Variants in NUP93 observed in about 807,000 individuals in gnomAD.
NUP93 encodes nuclear pore complex protein Nup93.
Under a neutral mutation model 107.8 loss-of-function variants are expected in NUP93, and 55 were observed. The ratio of observed to expected loss-of-function variants is 0.51; its 90% CI spans 0.41 to 0.64. The LOEUF (loss-of-function observed/expected upper bound fraction) is 0.64. Ranked by LOEUF, NUP93 falls within the 30% of genes least tolerant of loss-of-function variation. NUP93 has a pLI of 0.00. For synonymous variants in NUP93, 390 were observed against 397.5 expected (o/e 0.98, Z 0.22); for missense variants, 937 against 1,044.7 (o/e 0.90, Z 1.42).
In NUP93 at chr16:56,844,572, A is replaced by G. The variant is rs778511107; in HGVS notation, c.2423A>G (p.Asn808Ser). ...MIPYRTSGDT[N>S]ARLVQMEVLM... The stretch of plus-strand genomic sequence containing the variant: ...CCATACCGAACGTCTGGGGACACCA[A>G]TGCGAGGCTGGTGCAGATGGAGGTC... Residue 808 changes from asparagine (N) to serine (S), a missense_variant, in exon 22 of 22, where the codon AAT (asparagine) becomes AGT (serine). Coordinates refer to ENST00000308159, the MANE Select transcript of NUP93 (RefSeq NM_014669.5). 27 of 1,591,042 alleles carry G rather than the reference A, an allele frequency of 1.7e-5. No individual in the cohort carries two copies. Among genetic ancestry groups the G allele is most frequent in the South Asian group, 3.4e-5 (3 of 87,824 alleles).
intron 3 of NUP93, among the ~76,000 whole-genome samples, chr16:56,797,242 C>G (rs1962920944): frequency 6.6e-6 from 1 of 152,212 alleles, no homozygotes; most frequent in African/African-American, 2.4e-5. Flanking sequence ...TGCACTCCAG[C>G]CTGGGTGACA....
intron 3 of NUP93, among the ~76,000 whole-genome samples, chr16:56,775,357 A>G (rs1360940913): frequency 6.6e-6 from 1 of 152,208 alleles, no homozygotes; most frequent in East Asian, 1.9e-4. Context: ...AATAATACTC[A>G]GCAATTTATA....
intron 1 of NUP93, 87 bp downstream of exon 1, chr16:56,730,298 G>T (rs1327853149): frequency 6.6e-6 from 1 of 152,326 alleles, no homozygotes; most frequent in Non-Finnish European, 1.5e-5. Flanking sequence ...CCGTCCCCAC[G>T]CTCGGAACCC....
intron 5 of NUP93, among the ~76,000 whole-genome samples, chr16:56,814,314 T>C (rs919774438): frequency 6.6e-6 from 1 of 152,132 alleles, no homozygotes; most frequent in South Asian, 2.1e-4. Flanking sequence ...CCAAGTATTA[T>C]AGCTGGGACT....
chr16:56,732,627 C>G (rs1430366975), intron 1 of NUP93, among the ~76,000 whole-genome samples: 1 of 152,134 alleles, frequency 6.6e-6, no homozygotes, highest in African/African-American at 2.4e-5. Context: ...CTGAACCAGC[C>G]TCTTCATAGA....
chr16:56,803,721 A>G (rs1460499235), intron 4 of NUP93, among the ~76,000 whole-genome samples: 2 of 149,156 alleles, frequency 1.3e-5, no homozygotes, highest in Non-Finnish European at 3.0e-5. Flanking sequence ...ACCGATTAGG[A>G]TGGTTACAAG....
chr16:56,826,767 G>T lies in NUP93; in HGVS notation c.795-2210G>T, dbSNP rs564684835. ...AACTGCATAAAATTTCATTGAGTCGGCTGGGTGCAGCGTCTCACGTCTGTA... is the reference window on the plus strand; with the variant it reads ...AACTGCATAAAATTTCATTGAGTCGTCTGGGTGCAGCGTCTCACGTCTGTA... On this transcript the variant is annotated intron_variant, in intron 8 of 21. Coordinates refer to ENST00000308159, the MANE Select transcript of NUP93 (RefSeq NM_014669.5). Among the ~76,000 whole-genome samples the T allele has an allele frequency of 4.6e-5, 7 of 151,772 alleles. 1 individual carries two copies. The South Asian group carries it at 8.3e-4, about 18-fold the overall frequency.
Position 56,829,125 on chromosome 16 carries a change from T to G in NUP93, c.927+16T>G. ...TGGACTACAGGTACTGACAACTTTC[T>G]CTGTGTGATCAGTTACACCCCCAGA... On this transcript the variant is annotated intron_variant, in intron 9 of 21. Coordinates refer to ENST00000308159, the MANE Select transcript of NUP93 (RefSeq NM_014669.5). 6.2e-7 allele frequency: 1 copy of G among 1,608,656 alleles called. No individual in the cohort carries two copies. Among genetic ancestry groups the G allele is most frequent in the South Asian group, 1.1e-5 (1 of 89,690 alleles).
At chr16:56,780,486 G>A (rs1017585390) in intron 3 of NUP93, among the ~76,000 whole-genome samples, 1 of 151,964 alleles carries the variant, frequency 6.6e-6, no homozygotes, top group African/African-American at 2.4e-5. Context: ...GTTTACTTGG[G>A]GTTTTTTGTT....
intron 1 of NUP93, among the ~76,000 whole-genome samples, chr16:56,739,304 G>A (rs1597099653): frequency 1.0e-4 from 8 of 79,534 alleles, no homozygotes; most frequent in East Asian, 3.8e-4. Context: ...GGGCAGAGGC[G>A]CCCCTCACCT....
intron 16 of NUP93, among the ~76,000 whole-genome samples, chr16:56,835,856 C>T (rs191995757): frequency 3.9e-5 from 6 of 152,086 alleles, no homozygotes; most frequent in East Asian, 1.9e-4. Flanking sequence ...CAGCCGGGCG[C>T]GGTGGCTCAC....
At chr16:56,790,741 G>A (rs547831301) in intron 3 of NUP93, among the ~76,000 whole-genome samples, 6 of 152,328 alleles carry the variant, frequency 3.9e-5, no homozygotes, top group South Asian at 2.1e-4. Flanking sequence ...TGTCTTCTTA[G>A]AATGTGGATA....
chr16:56,815,947 C>G (rs60873800), intron 5 of NUP93, among the ~76,000 whole-genome samples: 2 of 152,118 alleles, frequency 1.3e-5, no homozygotes, highest in Admixed American at 1.3e-4. Flanking sequence ...ACTACTACTA[C>G]TACCACTACT....
chr16:56,809,387 C>G (rs1312588501), intron 5 of NUP93, among the ~76,000 whole-genome samples: 3 of 135,576 alleles, frequency 2.2e-5, no homozygotes, highest in African/African-American at 8.6e-5. Context: ...AGCACCTGAC[C>G]CATAATAGCC....
intron 3 of NUP93, among the ~76,000 whole-genome samples, chr16:56,793,920 G>A (rs1206864659): frequency 2.0e-5 from 3 of 152,064 alleles, no homozygotes; most frequent in Non-Finnish European, 2.9e-5. Flanking sequence ...GGGTGTGGTG[G>A]CGTGTGCCTG....
chr16:56,840,850 A>T (rs982302980), intron 20 of NUP93, among the ~76,000 whole-genome samples: 1 of 152,172 alleles, frequency 6.6e-6, no homozygotes, highest in Admixed American at 6.5e-5. Context: ...TACAAAAATT[A>T]GCCGGGCGTG....
chr16:56,794,071 T>G (rs573543810), intron 3 of NUP93, among the ~76,000 whole-genome samples: 1 of 55,380 alleles, frequency 1.8e-5, no homozygotes, highest in African/African-American at 8.3e-5. Context: ...GATAGATAGA[T>G]AGGTAGGTAG....
intron 3 of NUP93, among the ~76,000 whole-genome samples, chr16:56,767,632 G>A (rs961742426): frequency 3.9e-5 from 6 of 152,178 alleles, no homozygotes; most frequent in African/African-American, 1.4e-4. Flanking sequence ...CGCCATGGAA[G>A]GTTATATGAT....
intron 1 of NUP93, among the ~76,000 whole-genome samples, chr16:56,744,864 G>A (rs1265815021): frequency 1.3e-5 from 2 of 152,184 alleles, no homozygotes; most frequent in Non-Finnish European, 2.9e-5. Context: ...GAATGTTTCT[G>A]TTCAGATCTC....
Sources: gnomAD v4.1 joint callset for allele counts (sites outside exome capture counted in the v4.1 genomes callset) on GRCh38, gnomAD v4.1.1 for gene constraint, MANE v1.5 for transcripts, NCBI Gene and HGNC (gene_info 2026-07-23, HGNC 2026-07-21) for gene names.